LGR5: variants seen among roughly 807,000 people sequenced by gnomAD.
LGR5 encodes leucine-rich repeat-containing G protein-coupled receptor 5.
A neutral mutation model predicts 76.7 loss-of-function variants in LGR5; 54 were observed. The observed-to-expected ratio is 0.70, with a 90% confidence interval of 0.57 to 0.88. The LOEUF (loss-of-function observed/expected upper bound fraction) is 0.88. Among genes scored for constraint, LGR5 ranks in the 40% least tolerant of loss-of-function variants. The pLI is 0.00. For synonymous variants in LGR5, 406 were observed against 421.9 expected (o/e 0.96, Z 0.46); for missense variants, 1,078 against 1,073.3 (o/e 1.00, Z -0.06).
chr12:71,443,255 A>G (rs776162155), intron 1 of LGR5, among the ~76,000 whole-genome samples: 6 of 152,250 alleles, frequency 3.9e-5, no homozygotes, highest in Non-Finnish European at 8.8e-5. Flanking sequence ...TCTTCACAGA[A>G]TGCAAACACT....
chr12:71,493,258 G>A (rs1302589157), intron 1 of LGR5, among the ~76,000 whole-genome samples: 27 of 151,170 alleles, frequency 1.8e-4, no homozygotes, highest in Non-Finnish European at 7.3e-5. Context: ...TGAAGAGTCA[G>A]CAGTCCTTTC....
intron 7 of LGR5, among the ~76,000 whole-genome samples, chr12:71,559,961 T>C (rs929753091): frequency 4.6e-5 from 7 of 152,232 alleles, no homozygotes; most frequent in African/African-American, 1.7e-4. Flanking sequence ...TATAGATTTG[T>C]AGATTTTTAG....
intron 15 of LGR5, among the ~76,000 whole-genome samples, chr12:71,579,190 A>G (rs1878990129): frequency 6.6e-6 from 1 of 152,228 alleles, no homozygotes; most frequent in Non-Finnish European, 1.5e-5. Context: ...CAATTGATCC[A>G]TGGAATATAT....
chr12:71,548,944 A>C (rs184802793), intron 4 of LGR5, among the ~76,000 whole-genome samples: 14 of 152,318 alleles, frequency 9.2e-5, no homozygotes, highest in Admixed American at 7.2e-4. Flanking sequence ...TAATAAGTCT[A>C]TTATGGAACC....
At chr12:71,540,737 A>G (rs1273760665) in intron 4 of LGR5, among the ~76,000 whole-genome samples, 2 of 152,184 alleles carry the variant, frequency 1.3e-5, no homozygotes, top group Non-Finnish European at 2.9e-5. Flanking sequence ...ATTAATATCC[A>G]GGAGGCTATT....
At chr12:71,461,165 C>T (rs1302377629) in intron 1 of LGR5, among the ~76,000 whole-genome samples, 1 of 152,164 alleles carries the variant, frequency 6.6e-6, no homozygotes, top group African/African-American at 2.4e-5. Flanking sequence ...TGTGTCTGCC[C>T]TGCCCCCTTC....
intron 4 of LGR5, among the ~76,000 whole-genome samples, chr12:71,550,622 A>C (rs982882435): frequency 2.0e-5 from 3 of 151,752 alleles, no homozygotes; most frequent in African/African-American, 7.3e-5. Flanking sequence ...CACCACACCC[A>C]GCTAATTTTT....
rs182220521 is a variant in LGR5 at position 71,561,688 on chromosome 12, G to T, written c.786-93G>T. On this transcript the variant is annotated intron_variant, in intron 7 of 17. Transcript: ENST00000266674. The stretch of plus-strand genomic sequence containing the variant: ...TAATATTGTCCTCTGGTTACTAAAG[G>T]TTCTGATTATTGCCACTGTGGTCAG... 2,339 of 613,300 alleles carry T rather than the reference G, an allele frequency of 3.8e-3. 8 individuals carry two copies. The highest frequency in any genetic ancestry group is 4.1e-3 in the Non-Finnish European group (1,511 of 364,430). 38.0% of individuals were successfully genotyped at this position (613,300 alleles called of 1,614,324 possible).
In LGR5 at chr12:71,585,996, A is replaced by C. The variant is rs1386484964; in HGVS notation, c.*1262A>C. The C allele has an allele frequency of 3.3e-5, 5 of 152,334 alleles. No individual in the cohort carries two copies. Among genetic ancestry groups the C allele is most frequent in the Admixed American group, 3.3e-4 (5 of 15,306 alleles). The allele number at this position is 152,334 out of a possible 1,614,324, so 9.4% of individuals were successfully genotyped here. ...TGTTAGGTAGATTTATTTTTATATA[A>C]GCATGTTTATTTTGATCAGATGTTT... is the stretch of plus-strand genomic sequence containing the variant. On this transcript the variant is annotated 3_prime_UTR_variant, in exon 18 of 18. Coordinates refer to ENST00000266674, the MANE Select transcript of LGR5 (RefSeq NM_003667.4).
chr12:71,584,942 G>A lies in LGR5; in HGVS notation c.*208G>A. ...AATGCTGCTTTGTATAATTTGTTCA[G>A]CTAAGGGATAGATCGATCACACTAT... On this transcript the variant is annotated 3_prime_UTR_variant, in exon 18 of 18. Coordinates refer to ENST00000266674, the MANE Select transcript of LGR5 (RefSeq NM_003667.4). The A allele has an allele frequency of 5.3e-6, 3 of 565,096 alleles. No individual in the cohort carries two copies. Among genetic ancestry groups the A allele is most frequent in the Non-Finnish European group, 9.3e-6 (3 of 321,652 alleles). The allele number at this position is 565,096 out of a possible 1,614,324, so 35.0% of individuals were successfully genotyped here.
chr12:71,548,607 AT>A (rs898679218), intron 4 of LGR5, among the ~76,000 whole-genome samples: 2 of 152,196 alleles, frequency 1.3e-5, no homozygotes, highest in African/African-American at 4.8e-5. Flanking sequence ...AATATTTAAA[AT>A]CATTAAGGTA....
intron 3 of LGR5, 29 bp from the exon 4 acceptor site, chr12:71,535,086 C>T (rs1592522203): frequency 3.3e-6 from 5 of 1,522,788 alleles, no homozygotes; most frequent in Non-Finnish European, 4.5e-6. Context: ...TTTTTTTTAA[C>T]ATTTTTCTTT....
chr12:71,566,471 A>G lies in LGR5; in HGVS notation c.925A>G (p.Thr309Ala), dbSNP rs1349630908. 1.3e-6 allele frequency: 2 copies of G among 1,599,320 alleles called. No individual in the cohort carries two copies. Among genetic ancestry groups the G allele is most frequent in the South Asian group, 2.2e-5 (2 of 90,706 alleles). The change falls in exon 9 of 18, where the codon ACA becomes GCA. Residue 309 changes from threonine (T) to alanine (A), a missense_variant. By Grantham distance (58) the Thr-to-Ala change is moderately conservative. Coordinates refer to ENST00000266674, the MANE Select transcript of LGR5 (RefSeq NM_003667.4). ...SAFQHLPELR[T>A]LTLNGASQIT... ...TTTTCAACATTTACCTGAACTAAGAACACTGTAAGTTTCTATGTCTCTTAT... is the reference window on the plus strand; with the variant it reads ...TTTTCAACATTTACCTGAACTAAGAGCACTGTAAGTTTCTATGTCTCTTAT...
intron 4 of LGR5, among the ~76,000 whole-genome samples, chr12:71,541,241 A>G (rs1876863895): frequency 6.6e-6 from 1 of 152,194 alleles, no homozygotes; most frequent in Admixed American, 6.5e-5. Flanking sequence ...AAATTGGAGC[A>G]TTGTCCACAG....
At chr12:71,470,277 A>T (rs760234167) in intron 1 of LGR5, among the ~76,000 whole-genome samples, 7 of 151,878 alleles carry the variant, frequency 4.6e-5, no homozygotes, top group Non-Finnish European at 1.0e-4. Context: ...CTCTCACTAA[A>T]CTCCCTTTTT....
chr12:71,489,931 G>C (rs1873991707), intron 1 of LGR5, among the ~76,000 whole-genome samples: 1 of 152,000 alleles, frequency 6.6e-6, no homozygotes, highest in Non-Finnish European at 1.5e-5. Context: ...AAGAAAATTA[G>C]ACAGGTCATG....
chr12:71,567,105 C>A, intron 11 of LGR5, 193 bp downstream of exon 11: 1 of 574,240 alleles, frequency 1.7e-6, no homozygotes, highest in Non-Finnish European at 3.1e-6. Flanking sequence ...TGGTAATGTA[C>A]CCTTTGTTTT....
chr12:71,471,801 T>C (rs1361842142), intron 1 of LGR5, among the ~76,000 whole-genome samples: 5 of 152,154 alleles, frequency 3.3e-5, no homozygotes, highest in Non-Finnish European at 7.4e-5. Context: ...AGGATCATTA[T>C]GGAGACTGAA....
intron 1 of LGR5, among the ~76,000 whole-genome samples, chr12:71,500,628 AT>A (rs1874557040): frequency 6.6e-6 from 1 of 151,616 alleles, no homozygotes; most frequent in Non-Finnish European, 1.5e-5. Flanking sequence ...ATTTATTTTT[AT>A]TTTTTATTTT....
Sources: allele counts gnomAD v4.1 joint callset (sites outside exome capture counted in the v4.1 genomes callset), GRCh38; gene constraint gnomAD v4.1.1; transcripts MANE v1.5; gene names NCBI Gene and HGNC (gene_info 2026-07-23, HGNC 2026-07-21).